BNC2: variants seen among roughly 807,000 people sequenced by gnomAD.
BNC2 encodes zinc finger protein basonuclin-2.
A neutral mutation model predicts 76.3 loss-of-function variants in BNC2; 20 were observed. The observed-to-expected ratio is 0.26, with a 90% CI of 0.18 to 0.38. The LOEUF (loss-of-function observed/expected upper bound fraction) is 0.38, where lower values mean the gene tolerates loss of function less well. Ranked by LOEUF, BNC2 falls within the 10% of genes least tolerant of loss-of-function variation. BNC2 has a pLI of 1.00. For synonymous variants in BNC2, 582 were observed against 514.8 expected (o/e 1.13, Z -1.77); for missense variants, 1,382 against 1,399.8 (o/e 0.99, Z 0.20).
intron 3 of BNC2, among the ~76,000 whole-genome samples, chr9:16,654,774 G>T (rs1821881896): frequency 6.6e-6 from 1 of 152,078 alleles, no homozygotes; most frequent in Non-Finnish European, 1.5e-5. Context: ...GTTTTGGACA[G>T]TGTATTCTGT....
intron 3 of BNC2, among the ~76,000 whole-genome samples, chr9:16,602,081 C>T (rs2133312357): frequency 6.6e-6 from 1 of 152,174 alleles, no homozygotes; most frequent in East Asian, 1.9e-4. Context: ...CATTCTAACC[C>T]CCTTGCAGGA....
At chr9:16,862,615 T>C (rs1056819776) in intron 1 of BNC2, among the ~76,000 whole-genome samples, 1 of 152,224 alleles carries the variant, frequency 6.6e-6, no homozygotes, top group Admixed American at 6.5e-5. Context: ...AAAGAACAAG[T>C]GCAGGATACC....
chr9:16,833,216 A>C (rs1480256110), intron 1 of BNC2, among the ~76,000 whole-genome samples: 1 of 152,142 alleles, frequency 6.6e-6, no homozygotes, highest in Non-Finnish European at 1.5e-5. Flanking sequence ...TGACCTATTC[A>C]TCAGACGATG....
chr9:16,582,414 T>G (rs2133046474), intron 4 of BNC2, among the ~76,000 whole-genome samples: 1 of 152,160 alleles, frequency 6.6e-6, no homozygotes, highest in Non-Finnish European at 1.5e-5. Context: ...GCTCACACTC[T>G]ACCTACGTCG....
At chr9:16,757,065 C>A (rs549318818) in intron 1 of BNC2, among the ~76,000 whole-genome samples, 18 of 68,596 alleles carry the variant, frequency 2.6e-4, no homozygotes, top group Non-Finnish European at 7.2e-4. Context: ...CTTTCCAACA[C>A]TAGTAATTAC....
chr9:16,792,685 T>C (rs1010902385), intron 1 of BNC2, among the ~76,000 whole-genome samples: 20 of 152,218 alleles, frequency 1.3e-4, no homozygotes, highest in Admixed American at 2.6e-4. Flanking sequence ...AAGTTTACTT[T>C]GCAAGAAGAG....
At chr9:16,576,326 C>T (rs1182787125) in intron 4 of BNC2, among the ~76,000 whole-genome samples, 2 of 152,148 alleles carry the variant, frequency 1.3e-5, no homozygotes, top group African/African-American at 2.4e-5. Context: ...GTTGTGGAGT[C>T]ACTCAGAATG....
Position 16,435,950 on chromosome 9 carries a change from C to T in BNC2, c.2244G>A (p.Val748=). Residue 748 remains valine (V), a synonymous_variant, in exon 6 of 7, where the codon GTG becomes GTA. Coordinates refer to ENST00000380672, the MANE Select transcript of BNC2 (RefSeq NM_017637.6). ...MEGDEHIHSE[V]SEKVLMNSER... ...CACTATTCATCAGGACTTTTTCACT[C>T]ACTTCGCTGTGAATGTGCTCATCCC... The T allele has an allele frequency of 6.2e-7, 1 of 1,614,134 alleles. No individual in the cohort carries two copies.
At chr9:16,794,316 A>G (rs1288523235) in intron 1 of BNC2, among the ~76,000 whole-genome samples, 1 of 152,144 alleles carries the variant, frequency 6.6e-6, no homozygotes, top group Non-Finnish European at 1.5e-5. Context: ...TCGTAAACCA[A>G]TCACTGCCGA....
At chr9:16,420,098 T>G (rs1820680025) in intron 6 of BNC2, among the ~76,000 whole-genome samples, 1 of 152,206 alleles carries the variant, frequency 6.6e-6, no homozygotes, top group Non-Finnish European at 1.5e-5. Flanking sequence ...GTAAACATCT[T>G]TTCTATACAG....
intron 3 of BNC2, among the ~76,000 whole-genome samples, chr9:16,699,481 G>T (rs1018378791): frequency 3.6e-4 from 55 of 152,178 alleles, no homozygotes; most frequent in Admixed American, 1.3e-4. Context: ...TTCTGCAAAA[G>T]TAAGACTTCT....
At chr9:16,605,318 C>T (rs528756650) in intron 3 of BNC2, among the ~76,000 whole-genome samples, 1 of 152,354 alleles carries the variant, frequency 6.6e-6, no homozygotes, top group Non-Finnish European at 1.5e-5. Flanking sequence ...TACTATCAAG[C>T]AGTGTTCTAA....
At chr9:16,646,660 C>G (rs1479688926) in intron 3 of BNC2, among the ~76,000 whole-genome samples, 1 of 151,878 alleles carries the variant, frequency 6.6e-6, no homozygotes, top group Admixed American at 6.6e-5. Context: ...TTGGTTGGGG[C>G]GATAGTTTAA....
intron 3 of BNC2, among the ~76,000 whole-genome samples, chr9:16,589,708 C>T (rs1053908419): frequency 3.9e-5 from 6 of 151,918 alleles, no homozygotes; most frequent in African/African-American, 1.5e-4. Context: ...CAGGGTTTCA[C>T]CATGTTGGTC....
intron 3 of BNC2, among the ~76,000 whole-genome samples, chr9:16,707,422 T>TAAGAAGA (rs1823712192): frequency 6.6e-6 from 1 of 152,140 alleles, no homozygotes; most frequent in Admixed American, 6.5e-5. Flanking sequence ...TCTTCTTATA[T>TAAGAAGA]CAAGTTAATC....
Position 16,588,413 on chromosome 9 carries a change from T to G in BNC2, c.331-5328A>C, listed in dbSNP as rs568278301. Among the ~76,000 whole-genome samples, 5 of 152,284 alleles carry G rather than the reference T, an allele frequency of 3.3e-5. No homozygotes were observed. The East Asian group carries it at 7.7e-4, about 24-fold the overall frequency. ...TTATTCATACTATAGTCCTCTAAGG[T>G]AGGCACACAGATTATTATTTCTGTT... is the stretch of plus-strand genomic sequence containing the variant. On this transcript the variant is annotated intron_variant, in intron 3 of 6. Transcript: ENST00000380672.
At chr9:16,464,815 T>A (rs1018207098) in intron 5 of BNC2, among the ~76,000 whole-genome samples, 1 of 152,212 alleles carries the variant, frequency 6.6e-6, no homozygotes, top group African/African-American at 2.4e-5. Flanking sequence ...TTCTACTTAT[T>A]AATCCTGAAA....
chr9:16,570,805 C>T (rs1422273248), intron 4 of BNC2, among the ~76,000 whole-genome samples: 1 of 152,072 alleles, frequency 6.6e-6, no homozygotes, highest in East Asian at 1.9e-4. Flanking sequence ...GGATTTAGAC[C>T]ATTGGCAAAA....
intron 1 of BNC2, among the ~76,000 whole-genome samples, chr9:16,796,673 G>C (rs918370921): frequency 6.6e-6 from 1 of 151,748 alleles, no homozygotes; most frequent in Non-Finnish European, 1.5e-5. Flanking sequence ...AAGAAAAGAA[G>C]AGAAAAGAAA....
Sources: allele counts gnomAD v4.1 joint callset (sites outside exome capture counted in the v4.1 genomes callset), GRCh38; gene constraint gnomAD v4.1.1; transcripts MANE v1.5; gene names NCBI Gene and HGNC (gene_info 2026-07-23, HGNC 2026-07-21).